SLC25A4: variants seen among roughly 807,000 people sequenced by gnomAD.
The protein encoded by SLC25A4 is solute carrier family 25 member 4, also known as ADP/ATP translocase 1.
In SLC25A4, 10 loss-of-function variants were observed where a neutral mutation model predicts 24.7. That is an observed-to-expected ratio of 0.41 (90% CI 0.25 to 0.69). The LOEUF (loss-of-function observed/expected upper bound fraction) is 0.69. SLC25A4 is among the 30% of genes least tolerant of loss of function. The pLI is 0.35. For missense variants in SLC25A4, 273 were observed against 387.6 expected (o/e 0.70, Z 2.48); for synonymous variants, 125 against 153.3 (o/e 0.82, Z 1.36).
At chr4:185,143,549 CGCGAGCTGCAGGGCGCGGG>C (rs1734383769) in intron 1 of SLC25A4, 66 bp downstream of exon 1, 1 of 598,796 alleles carries the variant, frequency 1.7e-6, no homozygotes, top group African/African-American at 2.0e-5. Context: ...CGCGATGCGG[CGCGAGCTGCAGGGCGCGGG>C]GCGCCGCGGA....
Position 185,145,390 on chromosome 4 carries a change from G to T in SLC25A4, c.598+140G>T, listed in dbSNP as rs1163096932. 7.7e-7 allele frequency: 1 copy of T among 1,304,192 alleles called. No homozygotes were observed. The highest frequency in any genetic ancestry group is 1.1e-6 in the Non-Finnish European group (1 of 931,168). The allele number at this position is 1,304,192 out of a possible 1,614,324, so 80.8% of individuals were successfully genotyped here. ...AATTGAGGCTTCTGAATGAGGAGGT[G>T]ATGTGCATAAGTTAATAGCTGAAGC... On this transcript the variant is annotated intron_variant, in intron 2 of 3. Coordinates refer to ENST00000281456, the MANE Select transcript of SLC25A4 (RefSeq NM_001151.4). The surrounding 1 kb of genome is among the most constrained non-coding windows in gnomAD (Gnocchi z 5.5).
intron 1 of SLC25A4, among the ~76,000 whole-genome samples, chr4:185,144,040 C>A (rs1259951827): frequency 2.6e-5 from 4 of 152,158 alleles, no homozygotes. Context: ...AAACTCAGAT[C>A]ATCCTGTCTC....
In SLC25A4 at chr4:185,147,959, C is replaced by T. The variant is rs376527654; in HGVS notation, c.*988C>T. ...GGCATGCCACCACATCCATCCTAAG[C>T]GACAGGGCAAGACTCTGTCTCAAAA... On this transcript the variant is annotated 3_prime_UTR_variant, in exon 4 of 4. Transcript: ENST00000281456. 2 of 149,412 alleles carry T rather than the reference C, an allele frequency of 1.3e-5. No individual in the cohort carries two copies. Among genetic ancestry groups the T allele is most frequent in the Admixed American group, 6.7e-5 (1 of 14,936 alleles). 9.3% of individuals were successfully genotyped at this position (149,412 alleles called of 1,614,324 possible). A position where few individuals can be genotyped will look rare whatever the true frequency, so the allele number is the denominator to read the frequency against.
Position 185,147,676 on chromosome 4 carries a change from A to G in SLC25A4, c.*705A>G, listed in dbSNP as rs1183559556. 1 of 152,292 alleles carries G rather than the reference A, an allele frequency of 6.6e-6. No individual in the cohort carries two copies. The highest frequency in any genetic ancestry group is 1.5e-5 in the Non-Finnish European group (1 of 68,156). The allele number at this position is 152,292 out of a possible 1,614,324, so 9.4% of individuals were successfully genotyped here. ...ACACCTAGAATTTTATGTTAAGTAGAGAGTATTCATTGAAAATCAAGGCCA... is the reference window on the plus strand; with the variant it reads ...ACACCTAGAATTTTATGTTAAGTAGGGAGTATTCATTGAAAATCAAGGCCA... On this transcript the variant is annotated 3_prime_UTR_variant, in exon 4 of 4. Coordinates refer to ENST00000281456, the MANE Select transcript of SLC25A4 (RefSeq NM_001151.4).
Position 185,145,106 on chromosome 4 carries a change from C to A in SLC25A4, c.454C>A (p.Arg152Ser). 1 of 1,612,838 alleles carries A rather than the reference C, an allele frequency of 6.2e-7. No individual in the cohort carries two copies. Among genetic ancestry groups the A allele is most frequent in the Non-Finnish European group, 8.5e-7 (1 of 1,179,062 alleles). The change falls in exon 2 of 4, where the codon CGT becomes AGT. Residue 152 changes from arginine to serine, a missense_variant. Coordinates refer to ENST00000281456, the MANE Select transcript of SLC25A4 (RefSeq NM_001151.4). This position sits in a 1 kb window ranked among gnomAD's most constrained non-coding sequence, Gnocchi z 5.5. ...AADVGKGAAQ[R>S]EFHGLGDCII... ...TGATGTGGGCAAGGGCGCCGCCCAG[C>A]GTGAGTTCCATGGTCTGGGCGACTG...
At position 185,148,672 on chromosome 4, in the gene SLC25A4, C is replaced by G; in HGVS notation, c.*1701C>G. ...GAAGTCAGTTTTGGATTTGCTCCTC[C>G]GAGATTTGCGAGCCAGAGGAAAATA... On this transcript the variant is annotated 3_prime_UTR_variant, in exon 4 of 4. Coordinates refer to ENST00000281456, the MANE Select transcript of SLC25A4 (RefSeq NM_001151.4). 1 of 152,092 alleles carries G rather than the reference C, an allele frequency of 6.6e-6. No homozygotes were observed. Among genetic ancestry groups the G allele is most frequent in the East Asian group, 1.9e-4 (1 of 5,186 alleles). 9.4% of individuals were successfully genotyped at this position (152,092 alleles called of 1,614,324 possible).
In SLC25A4 at chr4:185,145,228, C is replaced by A. The variant is rs963982003; in HGVS notation, c.576C>A (p.Phe192Leu). 6.2e-7 allele frequency: 1 copy of A among 1,614,044 alleles called. No individual in the cohort carries two copies. The highest frequency in any genetic ancestry group is 1.1e-5 in the South Asian group (1 of 91,084). The change falls in exon 2 of 4, where the codon TTC (phenylalanine) becomes TTA (leucine). Residue 192 changes from phenylalanine to leucine, a missense_variant. Transcript: ENST00000281456. This position sits in a 1 kb window ranked among gnomAD's most constrained non-coding sequence, Gnocchi z 5.5. ...QGIIIYRAAY[F>L]GVYDTAKGML... ...TCATTATCTATAGAGCTGCCTACTT[C>A]GGAGTCTATGATACTGCCAAGGGTG...
intron 3 of SLC25A4, 130 bp downstream of exon 3, chr4:185,146,029 G>T (rs1734436435): frequency 8.9e-7 from 1 of 1,119,130 alleles, no homozygotes; most frequent in Non-Finnish European, 1.3e-6. Context: ...AGGGAAGAAA[G>T]ATGGTATTAA....
In SLC25A4 at chr4:185,147,677, G is replaced by A. The variant is rs1734466986; in HGVS notation, c.*706G>A. 1 of 152,290 alleles carries A rather than the reference G, an allele frequency of 6.6e-6. No homozygotes were observed. The highest frequency in any genetic ancestry group is 2.4e-5 in the African/African-American group (1 of 41,436). The allele number at this position is 152,290 out of a possible 1,614,324, so 9.4% of individuals were successfully genotyped here. A position where few individuals can be genotyped will look rare whatever the true frequency, so the allele number is the denominator to read the frequency against. ...CACCTAGAATTTTATGTTAAGTAGA[G>A]AGTATTCATTGAAAATCAAGGCCAG... On this transcript the variant is annotated 3_prime_UTR_variant, in exon 4 of 4. Coordinates refer to ENST00000281456, the MANE Select transcript of SLC25A4 (RefSeq NM_001151.4).
At position 185,145,023 on chromosome 4, in the gene SLC25A4, G is replaced by A. The variant is rs863224207; in HGVS notation, c.371G>A (p.Gly124Glu). The A allele has an allele frequency of 5.6e-6, 9 of 1,614,016 alleles. No homozygotes were observed. Among genetic ancestry groups the A allele is most frequent in the Non-Finnish European group, 7.6e-6 (9 of 1,180,036 alleles). Reference sequence around the variant, plus strand: ...AACCTGGCGTCCGGTGGGGCCGCTGGGGCCACCTCCCTTTGCTTTGTCTAC... The same window carrying A: ...AACCTGGCGTCCGGTGGGGCCGCTGAGGCCACCTCCCTTTGCTTTGTCTAC... ...AGNLASGGAAGATSLCFVYPL... is the reference protein window; with the variant it reads ...AGNLASGGAAEATSLCFVYPL... Residue 124 changes from glycine to glutamate, a missense_variant, in exon 2 of 4, where the codon GGG (glycine) becomes GAG (glutamate). Gly to Glu is a moderately conservative substitution (Grantham distance 98). Transcript: ENST00000281456. The surrounding 1 kb of genome is among the most constrained non-coding windows in gnomAD (Gnocchi z 5.5).
chr4:185,144,774 C>G lies in SLC25A4; in HGVS notation c.122C>G (p.Ala41Gly). The change falls in exon 2 of 4, where the codon GCC (alanine) becomes GGC (glycine). Residue 41 changes from alanine (A) to glycine (G), a missense_variant. Ala to Gly is a moderately conservative substitution (Grantham distance 60). Transcript: ENST00000281456. Reference sequence around the variant, plus strand: ...CCTCCCCTCCACCAGGTCCAGCATGCCAGCAAACAGATCAGTGCTGAGAAG... The same window carrying G: ...CCTCCCCTCCACCAGGTCCAGCATGGCAGCAAACAGATCAGTGCTGAGAAG... Reference protein sequence around the residue: ...RVKLLLQVQHASKQISAEKQY... With the variant: ...RVKLLLQVQHGSKQISAEKQY... 1.2e-6 allele frequency: 2 copies of G among 1,613,882 alleles called. No homozygotes were observed. Among genetic ancestry groups the G allele is most frequent in the Non-Finnish European group, 8.5e-7 (1 of 1,179,988 alleles).
rs778584154 is a variant in SLC25A4, at chr4:185,143,447, G to C, written c.75G>C (p.Ala25=). The C allele has an allele frequency of 1.1e-5, 17 of 1,508,864 alleles. No individual in the cohort carries two copies. In the South Asian group the frequency reaches 1.4e-4, roughly 12 times the overall value. 93.5% of individuals were successfully genotyped at this position (1,508,864 alleles called of 1,614,324 possible). The change falls in exon 1 of 4, where the codon GCG becomes GCC. Residue 25 remains alanine, a synonymous_variant. Coordinates refer to ENST00000281456, the MANE Select transcript of SLC25A4 (RefSeq NM_001151.4). ...TCGCCGCTGCCGTCTCCAAGACCGC[G>C]GTCGCCCCCATCGAGAGGGTCAAAC... ...GGVAAAVSKT[A]VAPIERVKLL... is the part of the protein sequence containing the mutation.
At chr4:185,146,452 C>T (rs554062261) in intron 3 of SLC25A4, among the ~76,000 whole-genome samples, 1 of 152,302 alleles carries the variant, frequency 6.6e-6, no homozygotes, top group South Asian at 2.1e-4. Context: ...TGCATAACCT[C>T]GTGCAGGATC....
intron 3 of SLC25A4, among the ~76,000 whole-genome samples, chr4:185,146,537 G>A (rs1421710812): frequency 1.3e-5 from 2 of 152,148 alleles, no homozygotes; most frequent in Non-Finnish European, 2.9e-5. Context: ...GCTCCACTGC[G>A]CCCTTCTTGT....
At position 185,145,675 on chromosome 4, in the gene SLC25A4, G is replaced by A; in HGVS notation, c.599-84G>A. 1 of 1,538,488 alleles carries A rather than the reference G, an allele frequency of 6.5e-7. No homozygotes were observed. Among genetic ancestry groups the A allele is most frequent in the East Asian group, 2.3e-5 (1 of 44,306 alleles). On this transcript the variant is annotated intron_variant, in intron 2 of 3. Transcript: ENST00000281456. This position sits in a 1 kb window ranked among gnomAD's most constrained non-coding sequence, Gnocchi z 5.5. ...CGCAAGGTCAGAGCATGGAGCTGGA[G>A]GTGCAGTGGCCTCTCTCCCTCCACC...
Position 185,143,295 on chromosome 4 carries a change from C to T in SLC25A4, c.-78C>T, listed in dbSNP as rs947025504. 28 of 816,540 alleles carry T rather than the reference C, an allele frequency of 3.4e-5. No individual in the cohort carries two copies. The Middle Eastern group carries it at 7.7e-4, about 22-fold the overall frequency. 50.6% of individuals were successfully genotyped at this position (816,540 alleles called of 1,614,324 possible). ...CCCTAGCGTCGCGCAGGGTCGGGGA[C>T]TGCGCGGCGGTGCCAGGCCGGGCGT... On this transcript the variant is annotated 5_prime_UTR_variant, in exon 1 of 4. Coordinates refer to ENST00000281456, the MANE Select transcript of SLC25A4 (RefSeq NM_001151.4).
chr4:185,146,400 T>C (rs1350945591), intron 3 of SLC25A4, among the ~76,000 whole-genome samples: 1 of 152,218 alleles, frequency 6.6e-6, no homozygotes, highest in African/African-American at 2.4e-5. Context: ...ATGTTAGCAG[T>C]TTCGTATGTT....
rs201501984 is a variant in SLC25A4, at chr4:185,144,794, G to C, written c.142G>C (p.Glu48Gln). The stretch of plus-strand genomic sequence containing the variant: ...GCATGCCAGCAAACAGATCAGTGCT[G>C]AGAAGCAGTACAAAGGGATCATTGA... The part of the protein sequence containing the change: ...VQHASKQISA[E>Q]KQYKGIIDCV... Residue 48 changes from glutamate (E) to glutamine (Q), a missense_variant, in exon 2 of 4, where the codon GAG (glutamate) becomes CAG (glutamine). Coordinates refer to ENST00000281456, the MANE Select transcript of SLC25A4 (RefSeq NM_001151.4). The C allele has an allele frequency of 1.2e-5, 20 of 1,613,958 alleles. No homozygotes were observed. Among genetic ancestry groups the C allele is most frequent in the Non-Finnish European group, 1.7e-5 (20 of 1,180,018 alleles).
chr4:185,146,118 A>G (rs1734438337), intron 3 of SLC25A4, among the ~76,000 whole-genome samples: 1 of 152,220 alleles, frequency 6.6e-6, no homozygotes, highest in Non-Finnish European at 1.5e-5. Context: ...CATGAATAGT[A>G]AGACATTTAG....
Sources: gnomAD v4.1 joint callset for allele counts (sites outside exome capture counted in the v4.1 genomes callset) on GRCh38, gnomAD v4.1.1 for gene constraint, Gnocchi (gnomAD v3.1) non-coding constraint, MANE v1.5 for transcripts, NCBI Gene and HGNC (gene_info 2026-07-23, HGNC 2026-07-21) for gene names.